Variants in CELF4 observed in about 807,000 individuals in gnomAD.
CELF4 encodes the protein CUG-BP- and ETR-3-like factor 4.
In CELF4, 18 loss-of-function variants were observed where a neutral mutation model predicts 59.9. The ratio of observed to expected loss-of-function variants is 0.30; its 90% CI spans 0.21 to 0.45. The LOEUF is 0.45. Ranked by LOEUF, CELF4 falls within the 20% of genes least tolerant of loss-of-function variation. The pLI, the probability that CELF4 is intolerant of heterozygous loss-of-function variation, is 1.00. For synonymous variants in CELF4, 261 were observed against 267.1 expected (o/e 0.98, Z 0.22); for missense variants, 456 against 689.0 (o/e 0.66, Z 3.79).
At chr18:37,500,826 A>T (rs374305165) in intron 1 of CELF4, among the ~76,000 whole-genome samples, 3 of 151,850 alleles carry the variant, frequency 2.0e-5, no homozygotes, top group East Asian at 3.9e-4. Context: ...GAGCCACCAC[A>T]CCTGGTCATT....
At chr18:37,353,015 A>T (rs1177175269) in intron 2 of CELF4, among the ~76,000 whole-genome samples, 1 of 151,994 alleles carries the variant, frequency 6.6e-6, no homozygotes, top group Non-Finnish European at 1.5e-5. Flanking sequence ...AAGTCAGGAG[A>T]TCGAGACCAT....
intron 7 of CELF4, among the ~76,000 whole-genome samples, chr18:37,272,007 G>A (rs558335830): frequency 6.6e-6 from 1 of 152,190 alleles, no homozygotes; most frequent in African/African-American, 2.4e-5. Flanking sequence ...TGTATCCCTT[G>A]AAGTTGGGGA....
intron 3 of CELF4, among the ~76,000 whole-genome samples, chr18:37,307,771 G>GCTGCCCT (rs201466152): frequency 0.041 from 6,282 of 152,228 alleles, 331 homozygotes; most frequent in African/African-American, 0.11. Context: ...CTCAAGGAGG[G>GCTGCCCT]CACAGTCTCT....
chr18:37,377,984 G>C (rs1286104736), intron 2 of CELF4, among the ~76,000 whole-genome samples: 1 of 152,196 alleles, frequency 6.6e-6, no homozygotes, highest in African/African-American at 2.4e-5. Flanking sequence ...CCTGAGTCCA[G>C]CGGGGACCTT....
intron 1 of CELF4, among the ~76,000 whole-genome samples, chr18:37,547,825 G>C (rs572652864): frequency 7.2e-5 from 11 of 152,158 alleles, no homozygotes; most frequent in Non-Finnish European, 1.3e-4. Context: ...TTGTCTTTAA[G>C]GAGTGGTATG....
At position 37,353,772 on chromosome 18, in the gene CELF4, T is replaced by C. The variant is rs1262999997; in HGVS notation, c.370-31891A>G. 2.7e-4 allele frequency among the ~76,000 whole-genome samples: 39 copies of C among 146,880 alleles called. No individual in the cohort carries two copies. In the East Asian group the frequency reaches 4.8e-3, roughly 18 times the overall value. ...GGCGGGGGGGGCAGTTCTTTCTTTT[T>C]TTTTTTTTTTTTGAGATGGAGTCAC... On this transcript the variant is annotated intron_variant, in intron 2 of 12. Transcript: ENST00000420428.
intron 2 of CELF4, among the ~76,000 whole-genome samples, chr18:37,341,648 C>T (rs986928610): frequency 6.6e-6 from 1 of 152,160 alleles, no homozygotes; most frequent in Non-Finnish European, 1.5e-5. Context: ...TGACTGTGCT[C>T]TATCCAGCAG....
At chr18:37,390,450 G>T (rs891095287) in intron 2 of CELF4, among the ~76,000 whole-genome samples, 3 of 152,084 alleles carry the variant, frequency 2.0e-5, no homozygotes, top group African/African-American at 7.2e-5. Context: ...CTCTTTCAGG[G>T]CAGTTACTGG....
intron 2 of CELF4, among the ~76,000 whole-genome samples, chr18:37,348,368 C>G (rs1020221281): frequency 1.3e-5 from 2 of 152,152 alleles, no homozygotes; most frequent in African/African-American, 4.8e-5. Flanking sequence ...TTGGTCCCTT[C>G]CTTTTTTGCC....
rs752662241 is a variant in CELF4, at chr18:37,321,819, C to T, written c.432G>A (p.Leu144=). The T allele has an allele frequency of 6.2e-7, 1 of 1,612,408 alleles. No individual in the cohort carries two copies. The highest frequency in any genetic ancestry group is 1.7e-5 in the Admixed American group (1 of 59,912). Reference sequence around the variant, plus strand: ...GGCCCTCACGTGAAGGGGGCTGGCGCAGGCAGCTACTACCTCCTCGGCTCT... The same window carrying T: ...GGCCCTCACGTGAAGGGGGCTGGCGTAGGCAGCTACTACCTCCTCGGCTCT... ...DSESRGGSSC[L]RQPPSQDRKL... Residue 144 remains leucine, a synonymous_variant, in exon 3 of 13, where the codon CTG becomes CTA. Coordinates refer to ENST00000420428, the MANE Select transcript of CELF4 (RefSeq NM_020180.4).
At chr18:37,284,005 C>CA (rs1569524024) in intron 3 of CELF4, among the ~76,000 whole-genome samples, 12 of 43,266 alleles carry the variant, frequency 2.8e-4, no homozygotes, top group South Asian at 9.3e-4. Flanking sequence ...ACAAACCCAA[C>CA]CACTCAACAT....
chr18:37,519,804 A>G (rs946410410), intron 1 of CELF4, among the ~76,000 whole-genome samples: 1 of 151,660 alleles, frequency 6.6e-6, no homozygotes, highest in African/African-American at 2.4e-5. Context: ...ATGTACATAA[A>G]CTCCAGTGGT....
chr18:37,337,235 G>A (rs958247609), intron 2 of CELF4, among the ~76,000 whole-genome samples: 26 of 152,286 alleles, frequency 1.7e-4, no homozygotes, highest in African/African-American at 5.8e-4. Flanking sequence ...TCCCACAAGC[G>A]GAGGGAGAGG....
intron 1 of CELF4, among the ~76,000 whole-genome samples, chr18:37,507,699 T>A (rs910683189): frequency 2.6e-5 from 4 of 152,222 alleles, no homozygotes; most frequent in Non-Finnish European, 5.9e-5. Flanking sequence ...ACTGGGCTGC[T>A]TGTCCCCTAC....
chr18:37,266,512 TG>T lies in CELF4; in HGVS notation c.1165+20del. 2 of 1,580,316 alleles carry T rather than the reference TG, an allele frequency of 1.3e-6. No homozygotes were observed. Among genetic ancestry groups the T allele is most frequent in the South Asian group, 1.2e-5 (1 of 86,170 alleles). On this transcript the variant is annotated intron_variant, in intron 9 of 12. Coordinates refer to ENST00000420428, the MANE Select transcript of CELF4 (RefSeq NM_020180.4). ...ATAAACGGAGTTGGGGAAGGAGCCG[TG>T]GGGACGCGTGGATACTAACGACCTG...
chr18:37,292,668 C>T (rs1318069703), intron 3 of CELF4, among the ~76,000 whole-genome samples: 1 of 152,150 alleles, frequency 6.6e-6, no homozygotes, highest in Non-Finnish European at 1.5e-5. Context: ...CAGAATGCCA[C>T]AATCCCGAGA....
At chr18:37,559,968 G>T in intron 1 of CELF4, among the ~76,000 whole-genome samples, 1 of 152,070 alleles carries the variant, frequency 6.6e-6, no homozygotes, top group African/African-American at 2.4e-5. Context: ...TTTTTCCTTT[G>T]CGTTGTTTTA....
intron 2 of CELF4, among the ~76,000 whole-genome samples, chr18:37,460,870 G>GA: frequency 6.6e-6 from 1 of 152,354 alleles, no homozygotes; most frequent in African/African-American, 2.4e-5. Flanking sequence ...GGGTTGATTG[G>GA]ATGTGGGAGG....
chr18:37,514,163 A>G (rs2099947904), intron 1 of CELF4, among the ~76,000 whole-genome samples: 1 of 152,050 alleles, frequency 6.6e-6, no homozygotes. Flanking sequence ...ACCCTGACCC[A>G]TCTCAAACAA....
Sources: allele counts gnomAD v4.1 joint callset (sites outside exome capture counted in the v4.1 genomes callset), GRCh38; gene constraint gnomAD v4.1.1; transcripts MANE v1.5; gene names NCBI Gene and HGNC (gene_info 2026-07-23, HGNC 2026-07-21).